The following SEMA7A variants were observed in gnomAD, a reference collection of about 807,000 sequenced individuals.
The protein encoded by SEMA7A is semaphorin 7A (JohnMiltonHagen blood group).
SEMA7A carries 21 observed loss-of-function variants against 67.5 expected under a neutral mutation model. That is an observed-to-expected ratio of 0.31 (90% confidence interval 0.22 to 0.45). SEMA7A has a LOEUF of 0.45. Among genes scored for constraint, SEMA7A ranks in the 20% least tolerant of loss-of-function variants. The pLI is 1.00. For missense variants in SEMA7A, 774 were observed against 908.6 expected (o/e 0.85, Z 1.90); for synonymous variants, 364 against 368.5 (o/e 0.99, Z 0.14).
chr15:74,415,652 C>A (rs2075591), intron 8 of SEMA7A, 149 bp downstream of exon 8: 13 of 750,326 alleles, frequency 1.7e-5, no homozygotes, highest in South Asian at 1.7e-4. Context: ...GCTGTCCCCC[C>A]ACCCCACACC....
intron 1 of SEMA7A, among the ~76,000 whole-genome samples, chr15:74,431,846 C>G (rs2061091307): frequency 6.6e-6 from 1 of 152,154 alleles, no homozygotes; most frequent in South Asian, 2.1e-4. Flanking sequence ...TGTCGTTGGA[C>G]AAGACTGGTG....
chr15:74,410,480 C>G lies in SEMA7A; in HGVS notation c.*144G>C. ...AGCAGCCGCCTGCGGCTGGACGTCT[C>G]CAGGCCTGGCATCCTCCACTGGGTT... On this transcript the variant is annotated 3_prime_UTR_variant, in exon 14 of 14. Transcript: ENST00000261918. The surrounding 1 kb of genome is among the most constrained non-coding windows in gnomAD (Gnocchi z 7.5). 2.3e-6 allele frequency: 3 copies of G among 1,288,874 alleles called. No individual in the cohort carries two copies. Among genetic ancestry groups the G allele is most frequent in the Non-Finnish European group, 3.2e-6 (3 of 945,648 alleles). The allele number at this position is 1,288,874 out of a possible 1,614,324, so 79.8% of individuals were successfully genotyped here.
intron 1 of SEMA7A, chr15:74,433,512 C>G (rs2141297005): frequency 8.5e-7 from 1 of 1,180,222 alleles, no homozygotes; most frequent in East Asian, 3.5e-5. Context: ...TTAGCCGGGG[C>G]TCCGGCCCCC....
At chr15:74,415,524 C>T (rs752198069) in intron 8 of SEMA7A, among the ~76,000 whole-genome samples, 39 of 152,132 alleles carry the variant, frequency 2.6e-4, no homozygotes, top group Non-Finnish European at 5.1e-4. Flanking sequence ...TGTCCACTCT[C>T]GGCACAAGCA....
In SEMA7A at chr15:74,417,989, G is replaced by A; in HGVS notation, c.373-20C>T. On this transcript the variant is annotated intron_variant, in intron 3 of 13. Coordinates refer to ENST00000261918, the MANE Select transcript of SEMA7A (RefSeq NM_003612.5). ...GCAGTCCTGCCCGGGGAAGAGAGAA[G>A]GGAGGAGAGAAATTGGTTGCTGGAA... is the stretch of plus-strand genomic sequence containing the variant. 2 of 1,610,994 alleles carry A rather than the reference G, an allele frequency of 1.2e-6. No homozygotes were observed. Among genetic ancestry groups the A allele is most frequent in the Non-Finnish European group, 1.7e-6 (2 of 1,179,000 alleles).
At chr15:74,419,884 G>A (rs1239524568) in intron 1 of SEMA7A, among the ~76,000 whole-genome samples, 1 of 152,190 alleles carries the variant, frequency 6.6e-6, no homozygotes, top group Non-Finnish European at 1.5e-5. Context: ...ACTGCCTCTG[G>A]GGAGGTGTCT....
At chr15:74,417,039 C>T (rs1378182183) in intron 6 of SEMA7A, among the ~76,000 whole-genome samples, 3 of 152,268 alleles carry the variant, frequency 2.0e-5, no homozygotes, top group South Asian at 2.1e-4. Context: ...GAGTTGGGGG[C>T]TGCCTCCACG....
Position 74,414,966 on chromosome 15 carries a change from A to C in SEMA7A, c.987-20T>G, listed in dbSNP as rs1186392312. ...TAGTTCCTGCAGTGACATGGAGACC[A>C]GCTCAATGGGGGGCCCAGAACCCAC... On this transcript the variant is annotated intron_variant, in intron 8 of 13. Coordinates refer to ENST00000261918, the MANE Select transcript of SEMA7A (RefSeq NM_003612.5). The surrounding 1 kb of genome is among the most constrained non-coding windows in gnomAD (Gnocchi z 4.1). The C allele has an allele frequency of 6.2e-7, 1 of 1,604,788 alleles. No homozygotes were observed. Among genetic ancestry groups the C allele is most frequent in the African/African-American group, 1.3e-5 (1 of 74,804 alleles).
intron 10 of SEMA7A, among the ~76,000 whole-genome samples, chr15:74,412,219 C>T (rs1430810820): frequency 6.6e-6 from 1 of 152,192 alleles, no homozygotes; most frequent in Non-Finnish European, 1.5e-5. Flanking sequence ...GAGAGGCCAT[C>T]CCAGGAGGCC....
intron 1 of SEMA7A, among the ~76,000 whole-genome samples, chr15:74,425,842 T>C (rs774854801): frequency 6.6e-6 from 1 of 152,216 alleles, no homozygotes; most frequent in Non-Finnish European, 1.5e-5. Flanking sequence ...GATGGCTACA[T>C]ACAGCCCACT....
At chr15:74,412,809 A>C (rs535354097) in intron 10 of SEMA7A, among the ~76,000 whole-genome samples, 2 of 152,210 alleles carry the variant, frequency 1.3e-5, no homozygotes, top group Non-Finnish European at 2.9e-5. Context: ...TCCACGTTGC[A>C]TTTGATCTTA....
chr15:74,418,005 G>A, intron 3 of SEMA7A, 36 bp from the exon 4 acceptor site: 1 of 1,604,136 alleles, frequency 6.2e-7, no homozygotes, highest in Non-Finnish European at 8.5e-7. Context: ...AGAGAAATTG[G>A]TTGCTGGAAG....
At chr15:74,429,590 C>A (rs754961331) in intron 1 of SEMA7A, among the ~76,000 whole-genome samples, 1 of 152,226 alleles carries the variant, frequency 6.6e-6, no homozygotes, top group African/African-American at 2.4e-5. Flanking sequence ...GGAACTGTGA[C>A]GGGGCTATGG....
intron 1 of SEMA7A, among the ~76,000 whole-genome samples, chr15:74,428,574 C>G (rs374870248): frequency 4.6e-5 from 7 of 152,292 alleles, no homozygotes; most frequent in Admixed American, 3.9e-4. Context: ...GAACCAGCAG[C>G]CTCCTTTCTG....
intron 1 of SEMA7A, among the ~76,000 whole-genome samples, chr15:74,433,017 C>T (rs1452962691): frequency 2.0e-5 from 3 of 152,168 alleles, no homozygotes; most frequent in Non-Finnish European, 4.4e-5. Context: ...TCCCAACGGC[C>T]GTGCCCCACC....
At position 74,411,120 on chromosome 15, in the gene SEMA7A, T is replaced by G. The variant is rs2060896095; in HGVS notation, c.1640-135A>C. On this transcript the variant is annotated intron_variant, in intron 13 of 13. Coordinates refer to ENST00000261918, the MANE Select transcript of SEMA7A (RefSeq NM_003612.5). The surrounding 1 kb of genome is among the most constrained non-coding windows in gnomAD (Gnocchi z 4.4). ...GGGAACCCAGCCCTCAGCGTCCTCCTTTTTTCTCCCGTCTCGCTCATCCCA... is the reference window on the plus strand; with the variant it reads ...GGGAACCCAGCCCTCAGCGTCCTCCGTTTTTCTCCCGTCTCGCTCATCCCA... 2 of 1,395,010 alleles carry G rather than the reference T, an allele frequency of 1.4e-6. No homozygotes were observed. Among genetic ancestry groups the G allele is most frequent in the South Asian group, 1.4e-5 (1 of 71,226 alleles). 86.4% of individuals were successfully genotyped at this position (1,395,010 alleles called of 1,614,324 possible).
chr15:74,422,944 T>C (rs2061012705), intron 1 of SEMA7A, among the ~76,000 whole-genome samples: 1 of 152,224 alleles, frequency 6.6e-6, no homozygotes, highest in Non-Finnish European at 1.5e-5. Flanking sequence ...GGTGTTGTTG[T>C]CCATGAAGGG....
At chr15:74,425,722 C>T (rs770670489) in intron 1 of SEMA7A, among the ~76,000 whole-genome samples, 11 of 152,194 alleles carry the variant, frequency 7.2e-5, no homozygotes, top group Non-Finnish European at 1.5e-4. Context: ...AAGCAGGGCT[C>T]AGTCAACCTT....
intron 1 of SEMA7A, among the ~76,000 whole-genome samples, chr15:74,430,139 G>A (rs1333127395): frequency 6.6e-6 from 1 of 152,108 alleles, no homozygotes; most frequent in African/African-American, 2.4e-5. Flanking sequence ...CCCGGCAAAT[G>A]TTTGCTGAAT....
Sources: gnomAD v4.1 joint callset for allele counts (sites outside exome capture counted in the v4.1 genomes callset) on GRCh38, gnomAD v4.1.1 for gene constraint, Gnocchi (gnomAD v3.1) non-coding constraint, MANE v1.5 for transcripts, NCBI Gene and HGNC (gene_info 2026-07-23, HGNC 2026-07-21) for gene names.